The following ANO3 variants were observed in gnomAD, a reference collection of about 807,000 sequenced individuals.
ANO3 encodes anoctamin-3.
ANO3 carries 99 observed loss-of-function variants against 144.8 expected under a neutral mutation model. That is an observed-to-expected ratio of 0.68 (90% CI 0.58 to 0.81). The LOEUF (loss-of-function observed/expected upper bound fraction) is 0.81, where lower values mean the gene tolerates loss of function less well. ANO3 is among the 30% of genes least tolerant of loss of function. ANO3 has a pLI of 0.00. For synonymous variants in ANO3, 414 were observed against 392.6 expected, an observed-to-expected ratio of 1.05 and a Z score of -0.64; for missense variants, 905 against 1,202.2, an observed-to-expected ratio of 0.75 and a Z score of 3.66.
intron 7 of ANO3, among the ~76,000 whole-genome samples, chr11:26,528,814 A>G (rs1380554368): frequency 6.6e-6 from 1 of 151,810 alleles, no homozygotes; most frequent in East Asian, 1.9e-4. Flanking sequence ...AGTCTATTCA[A>G]TGTTTTCTAC....
At chr11:26,508,311 A>T (rs755517489) in intron 5 of ANO3, 49 bp downstream of exon 5, 1 of 1,510,088 alleles carries the variant, frequency 6.6e-7, no homozygotes, top group Non-Finnish European at 8.9e-7. Flanking sequence ...GTTGGAACAG[A>T]TATAATCACT....
chr11:26,596,103 A>G (rs1046446002), intron 14 of ANO3, among the ~76,000 whole-genome samples: 5 of 152,214 alleles, frequency 3.3e-5, no homozygotes, highest in African/African-American at 1.2e-4. Flanking sequence ...TCAATTATCA[A>G]TTACAGGTTT....
intron 18 of ANO3, among the ~76,000 whole-genome samples, chr11:26,628,124 T>C (rs1852653235): frequency 1.3e-5 from 2 of 152,302 alleles, no homozygotes; most frequent in East Asian, 3.9e-4. Context: ...TTTGGTTTCC[T>C]GGTTTTTGAG....
chr11:26,430,111 A>T (rs1858038046), intron 1 of ANO3, among the ~76,000 whole-genome samples: 1 of 152,068 alleles, frequency 6.6e-6, no homozygotes. Context: ...AAATAAAAAG[A>T]TTAACCAGGC....
chr11:26,388,633 G>A (rs996664191), intron 1 of ANO3, among the ~76,000 whole-genome samples: 1 of 152,046 alleles, frequency 6.6e-6, no homozygotes, highest in African/African-American at 2.4e-5. Context: ...CTACTCCTAA[G>A]GAAACCGAGG....
intron 1 of ANO3, among the ~76,000 whole-genome samples, chr11:26,209,409 T>A (rs932331021): frequency 3.3e-5 from 5 of 152,186 alleles, no homozygotes; most frequent in African/African-American, 1.2e-4. Flanking sequence ...GACATTTGGG[T>A]TGGTTCCAAG....
At chr11:26,328,753 A>C (rs182178863), upstream of ANO3, among the ~76,000 whole-genome samples, 226 of 152,302 alleles carry the variant, frequency 1.5e-3, no homozygotes, top group Non-Finnish European at 2.5e-3. Context: ...AAAGAGAAAA[A>C]TTGAAGTTGT....
chr11:26,231,856 C>A (rs1210431997), intron 1 of ANO3, among the ~76,000 whole-genome samples: 4 of 152,268 alleles, frequency 2.6e-5, no homozygotes, highest in Non-Finnish European at 5.9e-5. Flanking sequence ...TGGAGTCAAA[C>A]AGTCCTTAGT....
chr11:26,272,371 A>G (rs1479300362), intron 1 of ANO3, among the ~76,000 whole-genome samples: 1 of 152,204 alleles, frequency 6.6e-6, no homozygotes, highest in African/African-American at 2.4e-5. Flanking sequence ...AATAAAATGA[A>G]AAGGAAATTT....
At chr11:26,606,625 A>T (rs1851944773) in intron 17 of ANO3, among the ~76,000 whole-genome samples, 1 of 150,714 alleles carries the variant, frequency 6.6e-6, no homozygotes. Context: ...TGCTTGGTAA[A>T]TTTTCCTTCA....
intron 13 of ANO3, chr11:26,559,227 T>C (rs961795404): frequency 2.6e-5 from 4 of 153,246 alleles, no homozygotes; most frequent in African/African-American, 9.7e-5. Context: ...TTATAGCCAT[T>C]ATTGGACCCA....
At chr11:26,455,518 A>T (rs778323327) in intron 3 of ANO3, among the ~76,000 whole-genome samples, 3 of 152,232 alleles carry the variant, frequency 2.0e-5, no homozygotes, top group Non-Finnish European at 4.4e-5. Flanking sequence ...CTTACAAGGG[A>T]CGTGAAGTAC....
At chr11:26,540,694 A>C (rs1408042908) in intron 10 of ANO3, among the ~76,000 whole-genome samples, 1 of 152,216 alleles carries the variant, frequency 6.6e-6, no homozygotes, top group East Asian at 1.9e-4. Flanking sequence ...GATATGAAAA[A>C]AAGCTTATCA....
In ANO3 at chr11:26,594,332, C is replaced by T. The variant is rs1002369495; in HGVS notation, c.1448-4033C>T. Among the ~76,000 whole-genome samples the T allele has an allele frequency of 5.5e-4, 84 of 152,242 alleles. 1 individual carries two copies. Among genetic ancestry groups the T allele is most frequent in the African/African-American group, 1.7e-3 (72 of 41,540 alleles). ...CATCCTATCATTGAACTGACTGAGA[C>T]GCCAGAGATCACCAAACTCTCGGGC... On this transcript the variant is annotated intron_variant, in intron 14 of 26. Coordinates refer to ENST00000256737, the MANE Select transcript of ANO3 (RefSeq NM_031418.4).
chr11:26,623,451 A>C (rs995315051), intron 17 of ANO3, among the ~76,000 whole-genome samples: 7 of 152,172 alleles, frequency 4.6e-5, no homozygotes, highest in Admixed American at 2.6e-4. Flanking sequence ...TTTCCCAACT[A>C]TATTTACTTG....
At chr11:26,286,777 C>A (rs532832730) in intron 1 of ANO3, among the ~76,000 whole-genome samples, 8 of 152,238 alleles carry the variant, frequency 5.3e-5, no homozygotes, top group East Asian at 1.9e-4. Flanking sequence ...TCTTTCTGTT[C>A]ATTTGCTGAT....
intron 1 of ANO3, among the ~76,000 whole-genome samples, chr11:26,244,335 G>C (rs1396119985): frequency 6.6e-6 from 1 of 152,096 alleles, no homozygotes; most frequent in East Asian, 1.9e-4. Flanking sequence ...ATAGTAATAG[G>C]ATTTTGGGCT....
At chr11:26,630,122 G>A (rs1205393607) in intron 18 of ANO3, among the ~76,000 whole-genome samples, 3 of 152,088 alleles carry the variant, frequency 2.0e-5, no homozygotes, top group Non-Finnish European at 2.9e-5. Context: ...GTATGAAATA[G>A]CAGCCCAATA....
intron 1 of ANO3, among the ~76,000 whole-genome samples, chr11:26,289,518 A>T (rs1447802295): frequency 6.9e-6 from 1 of 145,024 alleles, no homozygotes; most frequent in Non-Finnish European, 1.5e-5. Flanking sequence ...ATATATGTAC[A>T]TATATACATA....
Sources: allele counts gnomAD v4.1 joint callset (sites outside exome capture counted in the v4.1 genomes callset), GRCh38; gene constraint gnomAD v4.1.1; transcripts MANE v1.5; gene names NCBI Gene and HGNC (gene_info 2026-07-23, HGNC 2026-07-21).